TRAF3: variants seen among roughly 807,000 people sequenced by gnomAD.
The protein encoded by TRAF3 is TNF receptor associated factor 3, also known as TNF receptor-associated factor 3.
TRAF3 carries 13 observed loss-of-function variants against 62.3 expected under a neutral mutation model. That is an observed-to-expected ratio of 0.21 (90% CI 0.14 to 0.33). TRAF3 has a LOEUF of 0.33. Ranked by LOEUF, TRAF3 falls within the 10% of genes least tolerant of loss-of-function variation. The probability of loss-of-function intolerance (pLI) is 1.00; values close to 1 mark genes in which losing one functional copy is unlikely to be tolerated. For synonymous variants in TRAF3, 269 were observed against 283.4 expected (o/e 0.95, Z 0.51); for missense variants, 440 against 741.8 (o/e 0.59, Z 4.73).
intron 2 of TRAF3, among the ~76,000 whole-genome samples, chr14:102,848,470 AATAAGT>A (rs1054342595): frequency 6.6e-6 from 1 of 152,194 alleles, no homozygotes; most frequent in Non-Finnish European, 1.5e-5. Flanking sequence ...GAATGTTAAA[AATAAGT>A]ATAAGAAGTT....
At chr14:102,840,422 G>A (rs144151115) in intron 2 of TRAF3, among the ~76,000 whole-genome samples, 1 of 151,836 alleles carries the variant, frequency 6.6e-6, no homozygotes, top group Admixed American at 6.6e-5. Flanking sequence ...TTGTAGAGTG[G>A]TGTCTCACTG....
intron 1 of TRAF3, among the ~76,000 whole-genome samples, chr14:102,790,230 A>G (rs1328404187): frequency 6.6e-6 from 1 of 152,084 alleles, no homozygotes; most frequent in Non-Finnish European, 1.5e-5. Context: ...CATTCTTTGT[A>G]TGTTCTTATT....
chr14:102,848,223 A>G (rs1442657330), intron 2 of TRAF3, among the ~76,000 whole-genome samples: 2 of 152,140 alleles, frequency 1.3e-5, no homozygotes, highest in Non-Finnish European at 2.9e-5. Context: ...CTTGAGCCCA[A>G]GAGTTCGATA....
chr14:102,875,761 A>G (rs750367143), intron 5 of TRAF3, 33 bp downstream of exon 5: 1 of 1,575,428 alleles, frequency 6.3e-7, no homozygotes, highest in Non-Finnish European at 8.7e-7. Context: ...AACCTTTTAC[A>G]TGAAGGAATT....
intron 4 of TRAF3, among the ~76,000 whole-genome samples, chr14:102,872,430 C>G (rs1020283576): frequency 9.9e-5 from 15 of 152,202 alleles, no homozygotes; most frequent in Non-Finnish European, 2.1e-4. Flanking sequence ...CTCCCTGCCC[C>G]CCAGGCCCCC....
At chr14:102,849,118 C>T (rs958081108) in intron 2 of TRAF3, among the ~76,000 whole-genome samples, 1 of 152,192 alleles carries the variant, frequency 6.6e-6, no homozygotes, top group Admixed American at 6.5e-5. Context: ...TTTTTGAAAT[C>T]TCATGTTTTA....
chr14:102,795,041 A>G (rs1450505098), intron 1 of TRAF3, among the ~76,000 whole-genome samples: 1 of 152,198 alleles, frequency 6.6e-6, no homozygotes, highest in Non-Finnish European at 1.5e-5. Context: ...GAGAAAATAT[A>G]AGTAAGCCTA....
intron 1 of TRAF3, among the ~76,000 whole-genome samples, chr14:102,825,440 C>T (rs1316946575): frequency 6.6e-6 from 1 of 152,230 alleles, no homozygotes; most frequent in African/African-American, 2.4e-5. Context: ...CCCTTGGAGG[C>T]AGGTTGCGCC....
intron 9 of TRAF3, among the ~76,000 whole-genome samples, chr14:102,895,843 T>C (rs1280107752): frequency 2.0e-5 from 3 of 152,176 alleles, no homozygotes; most frequent in Non-Finnish European, 4.4e-5. Flanking sequence ...CTTTGGCTGA[T>C]GTGGGTTGCA....
At chr14:102,839,140 A>T (rs1271432593) in intron 2 of TRAF3, among the ~76,000 whole-genome samples, 1 of 151,268 alleles carries the variant, frequency 6.6e-6, no homozygotes, top group East Asian at 1.9e-4. Context: ...ACGCCTACAA[A>T]ATGAGCAGGC....
chr14:102,778,147 C>T (rs1252105072), intron 1 of TRAF3, among the ~76,000 whole-genome samples: 3 of 150,978 alleles, frequency 2.0e-5, no homozygotes, highest in Non-Finnish European at 4.4e-5. Context: ...GGTCCTGAGT[C>T]ATTCCGCCTC....
chr14:102,822,579 A>G (rs1431604296), intron 1 of TRAF3, among the ~76,000 whole-genome samples: 1 of 152,176 alleles, frequency 6.6e-6, no homozygotes, highest in Non-Finnish European at 1.5e-5. Context: ...CACATCTGTA[A>G]TTTCTGGTAA....
chr14:102,903,796 C>G lies in TRAF3; in HGVS notation c.1135+367C>G, dbSNP rs530985864. On this transcript the variant is annotated intron_variant, in intron 11 of 11. Coordinates refer to ENST00000392745, the MANE Select transcript of TRAF3 (RefSeq NM_145725.3). The surrounding 1 kb of genome is among the most constrained non-coding windows in gnomAD (Gnocchi z 6.4). ...GCTGGTCGGGGCGCCCCAGACCCCA[C>G]TCCTAAGGGCCAGGGGGCAGCAGTC... The G allele has an allele frequency of 2.1e-5, 10 of 482,448 alleles. No homozygotes were observed. In the East Asian group the frequency reaches 6.2e-4, roughly 30 times the overall value. The allele number at this position is 482,448 out of a possible 1,614,324, so 29.9% of individuals were successfully genotyped here.
chr14:102,792,663 A>G (rs1897867965), intron 1 of TRAF3, among the ~76,000 whole-genome samples: 1 of 151,304 alleles, frequency 6.6e-6, no homozygotes, highest in Non-Finnish European at 1.5e-5. Context: ...TCATTGTTCT[A>G]GTAATGTAGT....
At chr14:102,835,441 T>C (rs981606403) in intron 2 of TRAF3, among the ~76,000 whole-genome samples, 13 of 152,186 alleles carry the variant, frequency 8.5e-5, no homozygotes, top group African/African-American at 3.1e-4. Context: ...CATAAAGATA[T>C]GTACACATGT....
At chr14:102,851,027 A>G (rs1050008016) in intron 2 of TRAF3, among the ~76,000 whole-genome samples, 4 of 152,222 alleles carry the variant, frequency 2.6e-5, no homozygotes, top group African/African-American at 9.6e-5. Context: ...TGTGTCCAGC[A>G]TCTGGGCATT....
intron 2 of TRAF3, among the ~76,000 whole-genome samples, chr14:102,845,997 A>C (rs931616051): frequency 5.6e-4 from 84 of 149,080 alleles, no homozygotes; most frequent in African/African-American, 2.0e-3. Context: ...AAAAAAAAAA[A>C]AAAAAAAAAA....
At chr14:102,785,857 G>A (rs953371947) in intron 1 of TRAF3, among the ~76,000 whole-genome samples, 45 of 152,196 alleles carry the variant, frequency 3.0e-4, no homozygotes, top group African/African-American at 1.1e-3. Flanking sequence ...AGGCCACTAG[G>A]TCAGGTCCTT....
At chr14:102,831,147 G>A (rs935163350) in intron 2 of TRAF3, among the ~76,000 whole-genome samples, 2 of 152,194 alleles carry the variant, frequency 1.3e-5, no homozygotes, top group Admixed American at 1.3e-4. Flanking sequence ...ACAGAGAGCT[G>A]CACCTGGGCT....
Sources: allele counts gnomAD v4.1 joint callset (sites outside exome capture counted in the v4.1 genomes callset), GRCh38; gene constraint gnomAD v4.1.1; non-coding constraint Gnocchi (gnomAD v3.1); transcripts MANE v1.5; gene names NCBI Gene and HGNC (gene_info 2026-07-23, HGNC 2026-07-21).